The following CLIP4 variants were observed in gnomAD, a reference collection of about 807,000 sequenced individuals.
The protein encoded by CLIP4 is CAP-Gly domain containing linker protein family member 4, also known as CAP-Gly domain-containing linker protein 4.
A neutral mutation model predicts 73.1 loss-of-function variants in CLIP4; 47 were observed. The observed-to-expected ratio is 0.64, with a 90% confidence interval of 0.51 to 0.82. The LOEUF is 0.82. Ranked by LOEUF, CLIP4 falls within the 40% of genes least tolerant of loss-of-function variation. The pLI is 0.00. For missense variants in CLIP4, 874 were observed against 852.9 expected, an observed-to-expected ratio of 1.02 and a Z score of -0.31; for synonymous variants, 306 against 295.4, an observed-to-expected ratio of 1.04 and a Z score of -0.37.
At chr2:29,157,538 C>A in intron 11 of CLIP4, 191 bp downstream of exon 11, 1 of 763,448 alleles carries the variant, frequency 1.3e-6, no homozygotes. Flanking sequence ...AGATATAAGA[C>A]TTTGCATTTA....
At chr2:29,103,084 C>A (rs1162523505) in intron 1 of CLIP4, among the ~76,000 whole-genome samples, 1 of 152,148 alleles carries the variant, frequency 6.6e-6, no homozygotes, top group Non-Finnish European at 1.5e-5. Context: ...GCTCATTTTA[C>A]CCCTGGGCCT....
At chr2:29,158,956 G>A (rs186438961) in intron 11 of CLIP4, among the ~76,000 whole-genome samples, 1 of 152,214 alleles carries the variant, frequency 6.6e-6, no homozygotes, top group Admixed American at 6.5e-5. Context: ...TGTTGAACTT[G>A]CCATCTTTGG....
In CLIP4 at chr2:29,145,259, A is replaced by ATT; in HGVS notation, c.913_914insTT (p.Thr305IlefsTer46). 1 of 1,613,524 alleles carries ATT rather than the reference A, an allele frequency of 6.2e-7. No individual in the cohort carries two copies. The highest frequency in any genetic ancestry group is 2.2e-5 in the East Asian group (1 of 44,854). Reference sequence around the variant, plus strand: ...TGGTACATTAAGATTTTGTGGAACAACTGAATTTGCAAGTGGGCAGTGGGC... The same window carrying ATT: ...TGGTACATTAAGATTTTGTGGAACAATTCTGAATTTGCAAGTGGGCAGTGGGC... On this transcript the variant is annotated frameshift_variant, in exon 8 of 16. Coordinates refer to ENST00000320081, the MANE Select transcript of CLIP4 (RefSeq NM_024692.6). LOFTEE classifies it high-confidence loss of function.
At chr2:29,168,512 C>G (rs1186995373) in intron 14 of CLIP4, among the ~76,000 whole-genome samples, 1 of 66,760 alleles carries the variant, frequency 1.5e-5, no homozygotes. Flanking sequence ...ATGGTTTGCC[C>G]TTTTTTTTTT....
At chr2:29,152,958 C>G (rs1217157714) in intron 9 of CLIP4, 130 bp downstream of exon 9, 1 of 1,010,570 alleles carries the variant, frequency 9.9e-7, no homozygotes, top group Non-Finnish European at 1.5e-6. Context: ...AAACCTGCAT[C>G]TTATGTGTTT....
At chr2:29,157,411 A>ATT in intron 11 of CLIP4, 64 bp downstream of exon 11, 1 of 1,613,014 alleles carries the variant, frequency 6.2e-7, no homozygotes, top group Non-Finnish European at 8.5e-7. Flanking sequence ...TTGTAAGTAG[A>ATT]TTTGCTCTTT....
rs1354995885 is a variant in CLIP4 at position 29,181,776 on chromosome 2, G to A, written c.2001G>A (p.Gly667=). ...ELRSAKGKND[G]SVGDKRYFTC... is the part of the protein sequence containing the mutation. Reference sequence around the variant, plus strand: ...GAAGCGCCAAGGGAAAAAATGATGGGTCAGTGGGTGACAAGCGCTATTTCA... The same window carrying A: ...GAAGCGCCAAGGGAAAAAATGATGGATCAGTGGGTGACAAGCGCTATTTCA... The change falls in exon 16 of 16, where the codon GGG becomes GGA. Residue 667 remains glycine, a synonymous_variant. Coordinates refer to ENST00000320081, the MANE Select transcript of CLIP4 (RefSeq NM_024692.6). 2.5e-6 allele frequency: 4 copies of A among 1,614,176 alleles called. No individual in the cohort carries two copies. Among genetic ancestry groups the A allele is most frequent in the South Asian group, 2.2e-5 (2 of 91,080 alleles).
At chr2:29,129,560 C>A (rs2148482278) in intron 2 of CLIP4, among the ~76,000 whole-genome samples, 1 of 152,048 alleles carries the variant, frequency 6.6e-6, no homozygotes, top group Non-Finnish European at 1.5e-5. Context: ...GAAGCTGGAT[C>A]CAAATTGTAC....
At position 29,181,618 on chromosome 2, in the gene CLIP4, G is replaced by T. The variant is rs751475977; in HGVS notation, c.1843G>T (p.Gly615Cys). Residue 615 changes from glycine to cysteine, a missense_variant, in exon 16 of 16, where the codon GGT becomes TGT. Gly to Cys is a radical substitution (Grantham distance 159). Coordinates refer to ENST00000320081, the MANE Select transcript of CLIP4 (RefSeq NM_024692.6). Reference sequence around the variant, plus strand: ...CAGTTGGAGCAGCACCCCCACCGCAGGTGGCATTGAAGGGAGCGTGAAGCT... The same window carrying T: ...CAGTTGGAGCAGCACCCCCACCGCATGTGGCATTGAAGGGAGCGTGAAGCT... The part of the protein sequence containing the change: ...RRSWSSTPTA[G>C]GIEGSVKLHE... 1 of 1,613,526 alleles carries T rather than the reference G, an allele frequency of 6.2e-7. No individual in the cohort carries two copies. The highest frequency in any genetic ancestry group is 1.3e-5 in the African/African-American group (1 of 75,026).
At chr2:29,179,360 T>C (rs961978900) in intron 15 of CLIP4, among the ~76,000 whole-genome samples, 3 of 152,266 alleles carry the variant, frequency 2.0e-5, no homozygotes, top group African/African-American at 4.8e-5. Flanking sequence ...ATTTTAACTT[T>C]ATAATTTAAC....
rs76501396 is a variant in CLIP4 at position 29,145,470 on chromosome 2, A to G, written c.1021+103A>G. 4,255 of 931,306 alleles carry G rather than the reference A, an allele frequency of 4.6e-3. 16 individuals are homozygous for G. The highest frequency in any genetic ancestry group is 5.4e-3 in the Non-Finnish European group (3,411 of 628,068). The allele number at this position is 931,306 out of a possible 1,614,324, so 57.7% of individuals were successfully genotyped here. On this transcript the variant is annotated intron_variant, in intron 8 of 15. Coordinates refer to ENST00000320081, the MANE Select transcript of CLIP4 (RefSeq NM_024692.6). ...AACTTTTCTCCTGATTTCTTATGTGATAAATGAGGGGCATGTGGATGTAGG... is the reference window on the plus strand; with the variant it reads ...AACTTTTCTCCTGATTTCTTATGTGGTAAATGAGGGGCATGTGGATGTAGG...
At chr2:29,104,904 G>A (rs1398621207) in intron 1 of CLIP4, among the ~76,000 whole-genome samples, 1 of 152,194 alleles carries the variant, frequency 6.6e-6, no homozygotes, top group African/African-American at 2.4e-5. Context: ...GTGCTAGGAC[G>A]AGCGGGGTGC....
chr2:29,164,339 C>A (rs1667469819), intron 13 of CLIP4, among the ~76,000 whole-genome samples: 1 of 152,172 alleles, frequency 6.6e-6, no homozygotes, highest in Non-Finnish European at 1.5e-5. Flanking sequence ...CCCATTCATT[C>A]TCCTACAAAC....
intron 1 of CLIP4, among the ~76,000 whole-genome samples, chr2:29,116,090 G>C (rs936113660): frequency 6.6e-6 from 1 of 152,154 alleles, no homozygotes; most frequent in Non-Finnish European, 1.5e-5. Flanking sequence ...TTAAATTGTC[G>C]AGAAACCTTT....
intron 15 of CLIP4, among the ~76,000 whole-genome samples, chr2:29,176,143 A>G (rs1384447560): frequency 6.6e-6 from 1 of 152,226 alleles, no homozygotes; most frequent in African/African-American, 2.4e-5. Context: ...GTTCTCAGAA[A>G]CAAAAGAAAG....
Position 29,132,175 on chromosome 2 carries a change from G to C in CLIP4, c.297G>C (p.Val99=). The C allele has an allele frequency of 1.2e-6, 2 of 1,613,734 alleles. No individual in the cohort carries two copies. The highest frequency in any genetic ancestry group is 1.7e-6 in the Non-Finnish European group (2 of 1,179,726). ...AGATTCTTAAGAGAGGTTGCAATGT[G>C]AATGATAGAGATGGATTGACAGATA... ...GNEILKRGCN[V]NDRDGLTDMT... Residue 99 remains valine, a synonymous_variant, in exon 4 of 16, where the codon GTG becomes GTC. Transcript: ENST00000320081.
chr2:29,115,099 G>A (rs1668505115), upstream of CLIP4: 1 of 152,464 alleles, frequency 6.6e-6, no homozygotes, highest in Admixed American at 6.5e-5. This position sits in a 1 kb window ranked among gnomAD's most constrained non-coding sequence, Gnocchi z 5.1. Context: ...CAGGGAACTG[G>A]TGGATGTACT....
intron 8 of CLIP4, among the ~76,000 whole-genome samples, chr2:29,145,941 C>T (rs139644877): frequency 0.015 from 2,293 of 152,330 alleles, 62 homozygotes; most frequent in African/African-American, 0.052. Flanking sequence ...CTTGGCCTCC[C>T]AAAGTGCAGG....
At chr2:29,148,410 A>G (rs975978874) in intron 8 of CLIP4, among the ~76,000 whole-genome samples, 6 of 152,164 alleles carry the variant, frequency 3.9e-5, no homozygotes, top group African/African-American at 1.2e-4. Flanking sequence ...TAATTCTCAT[A>G]CCTATTAGAT....
Sources: allele counts gnomAD v4.1 joint callset (sites outside exome capture counted in the v4.1 genomes callset), GRCh38; gene constraint gnomAD v4.1.1; non-coding constraint Gnocchi (gnomAD v3.1); transcripts MANE v1.5; gene names NCBI Gene and HGNC (gene_info 2026-07-23, HGNC 2026-07-21).